Variants in KCND2 observed in about 807,000 individuals in gnomAD.
The protein encoded by KCND2 is potassium voltage-gated channel subfamily D member 2.
Under a neutral mutation model 54.4 loss-of-function variants are expected in KCND2, and 16 were observed. The observed-to-expected ratio is 0.29, with a 90% confidence interval of 0.20 to 0.45. The LOEUF is 0.45. Ranked by LOEUF, KCND2 falls within the 20% of genes least tolerant of loss-of-function variation. The pLI is 1.00. For synonymous variants in KCND2, 317 were observed against 310.7 expected (o/e 1.02, Z -0.21); for missense variants, 486 against 824.2 (o/e 0.59, Z 5.02).
intron 1 of KCND2, among the ~76,000 whole-genome samples, chr7:120,677,033 G>A (rs535010254): frequency 2.6e-5 from 4 of 152,216 alleles, no homozygotes; most frequent in South Asian, 2.1e-4. Context: ...TAATACCCAC[G>A]AAAAATCAAG....
chr7:120,536,881 G>A (rs184690495), intron 1 of KCND2, among the ~76,000 whole-genome samples: 5 of 152,192 alleles, frequency 3.3e-5, no homozygotes, highest in African/African-American at 9.6e-5. Flanking sequence ...ATCTGATAAT[G>A]ATTCACAATA....
chr7:120,350,978 G>A (rs1298585201), intron 1 of KCND2, among the ~76,000 whole-genome samples: 1 of 151,920 alleles, frequency 6.6e-6, no homozygotes, highest in African/African-American at 2.4e-5. Flanking sequence ...AAAGTTTTAA[G>A]TGTAGTTATT....
At chr7:120,624,756 G>A (rs1411482121) in intron 1 of KCND2, among the ~76,000 whole-genome samples, 3 of 149,916 alleles carry the variant, frequency 2.0e-5, no homozygotes, top group African/African-American at 7.5e-5. Flanking sequence ...ACTCCAGTCT[G>A]AGTGATAAAC....
intron 1 of KCND2, among the ~76,000 whole-genome samples, chr7:120,297,636 A>C (rs999266410): frequency 6.6e-6 from 1 of 152,114 alleles, no homozygotes; most frequent in Non-Finnish European, 1.5e-5. Context: ...ATTTCTCTGC[A>C]TCATTATTAT....
At chr7:120,736,965 G>A (rs981925884) in intron 2 of KCND2, among the ~76,000 whole-genome samples, 1 of 147,286 alleles carries the variant, frequency 6.8e-6, no homozygotes, top group Non-Finnish European at 1.5e-5. Flanking sequence ...CCCATATGTA[G>A]TCTGCCATTT....
At position 120,592,023 on chromosome 7, in the gene KCND2, G is replaced by A. The variant is rs188286516; in HGVS notation, c.1116-140880G>A. Among the ~76,000 whole-genome samples, 111 of 152,250 alleles carry A rather than the reference G, an allele frequency of 7.3e-4. 1 individual carries two copies. In the East Asian group the frequency reaches 0.018, roughly 24 times the overall value. On this transcript the variant is annotated intron_variant, in intron 1 of 5. Coordinates refer to ENST00000331113, the MANE Select transcript of KCND2 (RefSeq NM_012281.3). ...CGCTGATTAAAATGTAATGAAAAAA[G>A]CTTTAATGTAAATATTGCCATGCTA...
chr7:120,686,870 A>G (rs1283548413), intron 1 of KCND2, among the ~76,000 whole-genome samples: 2 of 152,136 alleles, frequency 1.3e-5, no homozygotes, highest in East Asian at 1.9e-4. Context: ...CTGAGATCTT[A>G]TCAGGAAACC....
intron 1 of KCND2, among the ~76,000 whole-genome samples, chr7:120,278,426 A>G (rs1354083626): frequency 6.6e-6 from 1 of 151,750 alleles, no homozygotes; most frequent in African/African-American, 2.4e-5. Context: ...TTATGGGGCT[A>G]TTAATTTTAA....
intron 1 of KCND2, among the ~76,000 whole-genome samples, chr7:120,611,068 A>T (rs1485348735): frequency 1.3e-5 from 2 of 152,166 alleles, no homozygotes; most frequent in African/African-American, 4.8e-5. Flanking sequence ...TGCTTACTGA[A>T]TGCAGTGTCC....
chr7:120,439,573 A>G (rs1801920094), intron 1 of KCND2, among the ~76,000 whole-genome samples: 1 of 152,012 alleles, frequency 6.6e-6, no homozygotes, highest in Non-Finnish European at 1.5e-5. Flanking sequence ...GACTGTACTT[A>G]CCCTACAGTG....
At chr7:120,317,134 C>T (rs1293570501) in intron 1 of KCND2, among the ~76,000 whole-genome samples, 1 of 151,950 alleles carries the variant, frequency 6.6e-6, no homozygotes, top group Non-Finnish European at 1.5e-5. Flanking sequence ...CACGCCGGGC[C>T]CTAATTGCAG....
At chr7:120,621,233 A>C (rs1437024033) in intron 1 of KCND2, among the ~76,000 whole-genome samples, 1 of 138,398 alleles carries the variant, frequency 7.2e-6, no homozygotes, top group African/African-American at 2.8e-5. Context: ...AGATCACGCC[A>C]CTGCACTCCA....
At chr7:120,453,035 G>C (rs1802139877) in intron 1 of KCND2, among the ~76,000 whole-genome samples, 1 of 152,170 alleles carries the variant, frequency 6.6e-6, no homozygotes, top group Non-Finnish European at 1.5e-5. Flanking sequence ...GACTATGCCT[G>C]ACCATTGGAG....
At chr7:120,310,404 T>C (rs562384153) in intron 1 of KCND2, among the ~76,000 whole-genome samples, 1 of 152,312 alleles carries the variant, frequency 6.6e-6, no homozygotes, top group South Asian at 2.1e-4. Context: ...TATCCTCCAT[T>C]ATATTTTTCT....
rs535605268 is a variant in KCND2, at chr7:120,606,361, G to A, written c.1116-126542G>A. The stretch of plus-strand genomic sequence containing the variant: ...TCTTTTCATTTCTTTGTCCTTTGAA[G>A]GACAATACTTTTAATTTTGATGAAG... On this transcript the variant is annotated intron_variant, in intron 1 of 5. Coordinates refer to ENST00000331113, the MANE Select transcript of KCND2 (RefSeq NM_012281.3). 5.3e-5 allele frequency among the ~76,000 whole-genome samples: 8 copies of A among 152,066 alleles called. No homozygotes were observed. In the South Asian group the frequency reaches 1.5e-3, roughly 28 times the overall value.
At chr7:120,312,463 G>A (rs980336572) in intron 1 of KCND2, among the ~76,000 whole-genome samples, 2 of 152,066 alleles carry the variant, frequency 1.3e-5, no homozygotes, top group African/African-American at 4.8e-5. Context: ...CATTTTATAA[G>A]AAAAGCAAAC....
At chr7:120,706,799 C>CTTT (rs767429304) in intron 1 of KCND2, among the ~76,000 whole-genome samples, 28 of 152,094 alleles carry the variant, frequency 1.8e-4, no homozygotes, top group Admixed American at 5.2e-4. Flanking sequence ...ATCTATAATA[C>CTTT]TTTTTTCCTA....
At position 120,385,104 on chromosome 7, in the gene KCND2, G is replaced by A. The variant is rs906068052; in HGVS notation, c.1115+109357G>A. On this transcript the variant is annotated intron_variant, in intron 1 of 5. Transcript: ENST00000331113. The stretch of plus-strand genomic sequence containing the variant: ...TCACTACAACCTCTGCCTCTCAGAC[G>A]CAAGCAATCATCCCACCTCAGCCTC... Among the ~76,000 whole-genome samples, 6 of 140,762 alleles carry A rather than the reference G, an allele frequency of 4.3e-5. No homozygotes were observed. The East Asian group carries it at 6.7e-4, about 16-fold the overall frequency. 92.3% of individuals were successfully genotyped at this position (140,762 alleles called of 152,430 possible). A position where few individuals can be genotyped will look rare whatever the true frequency, so the allele number is the denominator to read the frequency against.
At chr7:120,413,066 A>G (rs1369718352) in intron 1 of KCND2, among the ~76,000 whole-genome samples, 1 of 152,080 alleles carries the variant, frequency 6.6e-6, no homozygotes, top group Non-Finnish European at 1.5e-5. Context: ...ATATGTGTTA[A>G]GTAGATATTG....
Sources: gnomAD v4.1 joint callset for allele counts (sites outside exome capture counted in the v4.1 genomes callset) on GRCh38, gnomAD v4.1.1 for gene constraint, MANE v1.5 for transcripts, NCBI Gene and HGNC (gene_info 2026-07-23, HGNC 2026-07-21) for gene names.